The following SH2D4B variants were observed in gnomAD, a reference collection of about 807,000 sequenced individuals.
SH2D4B encodes the protein SH2 domain containing 4B.
Under a neutral mutation model 61.5 loss-of-function variants are expected in SH2D4B, and 45 were observed. The observed-to-expected ratio is 0.73, with a 90% CI of 0.58 to 0.94. The LOEUF (loss-of-function observed/expected upper bound fraction) is 0.94. Ranked by LOEUF, SH2D4B falls within the 40% of genes least tolerant of loss-of-function variation. The pLI, the probability that SH2D4B is intolerant of heterozygous loss-of-function variation, is 0.00. For synonymous variants in SH2D4B, 224 were observed against 220.4 expected (o/e 1.02, Z -0.14); for missense variants, 572 against 574.2 (o/e 1.00, Z 0.04).
Position 80,634,086 on chromosome 10 carries a change from G to A in SH2D4B, c.989-199G>A, listed in dbSNP as rs965055255. Among the ~76,000 whole-genome samples the A allele has an allele frequency of 3.9e-5, 6 of 152,126 alleles. No homozygotes were observed. In the East Asian group the frequency reaches 1.2e-3, roughly 29 times the overall value. On this transcript the variant is annotated intron_variant, in intron 6 of 7. Transcript: ENST00000646907. ...TGCCCCCAGGCTCACGGCGGGTGGC[G>A]CTGGGCCAAGATGCCCTCTCTGTGG...
intron 1 of SH2D4B, among the ~76,000 whole-genome samples, chr10:80,554,601 T>C (rs1363747952): frequency 6.6e-6 from 1 of 152,194 alleles, no homozygotes; most frequent in East Asian, 1.9e-4. Flanking sequence ...GAATTTCATC[T>C]TGGGGAAATC....
At chr10:80,584,778 A>G (rs559106803) in intron 3 of SH2D4B, among the ~76,000 whole-genome samples, 1 of 152,372 alleles carries the variant, frequency 6.6e-6, no homozygotes, top group Admixed American at 6.5e-5. Flanking sequence ...GAGAAAAAGT[A>G]TGGTGTATGG....
intron 3 of SH2D4B, among the ~76,000 whole-genome samples, chr10:80,582,857 C>T (rs1842199471): frequency 6.6e-6 from 1 of 152,130 alleles, no homozygotes; most frequent in African/African-American, 2.4e-5. Context: ...TCCTGGAATG[C>T]TGGGGGTGAT....
chr10:80,618,163 AT>A (rs1472116885), intron 6 of SH2D4B, among the ~76,000 whole-genome samples: 1 of 152,230 alleles, frequency 6.6e-6, no homozygotes, highest in Non-Finnish European at 1.5e-5. Context: ...AGAGGGAAAA[AT>A]AACCTGGCTT....
chr10:80,590,199 T>C (rs988645304), intron 4 of SH2D4B, among the ~76,000 whole-genome samples: 2 of 152,104 alleles, frequency 1.3e-5, no homozygotes, highest in Non-Finnish European at 2.9e-5. Context: ...AGGCTTCGGA[T>C]TGGCCAGTGT....
intron 1 of SH2D4B, among the ~76,000 whole-genome samples, chr10:80,553,781 A>G (rs999396998): frequency 5.3e-5 from 8 of 152,208 alleles, no homozygotes; most frequent in Non-Finnish European, 1.2e-4. Context: ...GCCTGGCACT[A>G]TTGGCAGCAG....
rs1487544032 is a variant in SH2D4B at position 80,579,025 on chromosome 10, AG to A, written c.495+7448del. Among the ~76,000 whole-genome samples the A allele has an allele frequency of 1.8e-4, 28 of 152,214 alleles. 1 individual carries two copies. Among genetic ancestry groups the A allele is most frequent in the Admixed American group, 6.5e-5 (1 of 15,276 alleles). On this transcript the variant is annotated intron_variant, in intron 3 of 7. Transcript: ENST00000646907. Reference sequence around the variant, plus strand: ...CCATGGGGAGCTGGGGAGGGTGTGCAGATTTGCAGGAAAGAGAAAGTGCTTA... The same window carrying A: ...CCATGGGGAGCTGGGGAGGGTGTGCAATTTGCAGGAAAGAGAAAGTGCTTA...
chr10:80,542,809 C>T (rs1318859508), intron 1 of SH2D4B, among the ~76,000 whole-genome samples: 1 of 152,152 alleles, frequency 6.6e-6, no homozygotes, highest in Non-Finnish European at 1.5e-5. Context: ...TTCCCTCCCG[C>T]TCTTCCCACT....
intron 1 of SH2D4B, among the ~76,000 whole-genome samples, chr10:80,566,907 T>C: frequency 6.6e-6 from 1 of 152,332 alleles, no homozygotes; most frequent in Middle Eastern, 3.4e-3. Context: ...GTTTCTTTAC[T>C]ATATATTGCT....
intron 3 of SH2D4B, among the ~76,000 whole-genome samples, chr10:80,587,128 A>G (rs1255322024): frequency 9.0e-6 from 1 of 111,066 alleles, no homozygotes. Flanking sequence ...AATTCCGGCC[A>G]CGTTTTTTTT....
At chr10:80,570,084 TG>T in intron 1 of SH2D4B, 69 bp from the exon 2 acceptor site, 2 of 1,573,308 alleles carry the variant, frequency 1.3e-6, no homozygotes, top group African/African-American at 1.3e-5. Flanking sequence ...TGTTTACCAC[TG>T]GGCAGCTTAG....
chr10:80,584,702 A>G (rs1842222908), intron 3 of SH2D4B, among the ~76,000 whole-genome samples: 1 of 152,238 alleles, frequency 6.6e-6, no homozygotes, highest in Admixed American at 6.5e-5. Flanking sequence ...TTTGCAGTAA[A>G]CTATTTTGAT....
At chr10:80,557,568 T>C (rs1348634097) in intron 1 of SH2D4B, among the ~76,000 whole-genome samples, 1 of 152,170 alleles carries the variant, frequency 6.6e-6, no homozygotes, top group Non-Finnish European at 1.5e-5. Context: ...TGTATGTTTC[T>C]TCTTTAGTGA....
intron 2 of SH2D4B, 29 bp from the exon 3 acceptor site, chr10:80,571,402 A>G (rs758821833): frequency 3.1e-6 from 5 of 1,604,716 alleles, no homozygotes; most frequent in Non-Finnish European, 4.3e-6. Context: ...TTTTCACACA[A>G]GCTTATACCT....
intron 5 of SH2D4B, among the ~76,000 whole-genome samples, 190 bp from the exon 6 acceptor site, chr10:80,609,234 C>T (rs1177439872): frequency 6.6e-6 from 1 of 152,170 alleles, no homozygotes; most frequent in African/African-American, 2.4e-5. Context: ...TCTTTGTAGG[C>T]ATGGATATGG....
intron 4 of SH2D4B, among the ~76,000 whole-genome samples, chr10:80,602,550 G>C (rs1266154687): frequency 1.3e-5 from 2 of 152,160 alleles, no homozygotes; most frequent in Admixed American, 6.5e-5. Flanking sequence ...CTCGTAAGCT[G>C]TTAGAGTTAG....
chr10:80,544,380 G>A (rs1278990066), intron 1 of SH2D4B, among the ~76,000 whole-genome samples: 1 of 152,216 alleles, frequency 6.6e-6, no homozygotes, highest in East Asian at 1.9e-4. Context: ...CCGCTTTTAA[G>A]AGCTGTAACA....
At chr10:80,542,008 C>A (rs558552085) in intron 1 of SH2D4B, among the ~76,000 whole-genome samples, 26 of 152,182 alleles carry the variant, frequency 1.7e-4, no homozygotes, top group Admixed American at 1.6e-3. Flanking sequence ...TGGTGTGGAC[C>A]CCTCAGCTTG....
At chr10:80,625,043 T>C (rs1052905390) in intron 6 of SH2D4B, among the ~76,000 whole-genome samples, 3 of 152,224 alleles carry the variant, frequency 2.0e-5, no homozygotes, top group African/African-American at 7.2e-5. Context: ...ATTTTGTCCA[T>C]TATTTCTTTG....
Sources: allele counts gnomAD v4.1 joint callset (sites outside exome capture counted in the v4.1 genomes callset), GRCh38; gene constraint gnomAD v4.1.1; transcripts MANE v1.5; gene names NCBI Gene and HGNC (gene_info 2026-07-23, HGNC 2026-07-21).